The following RORA variants were observed in gnomAD, a reference collection of about 807,000 sequenced individuals.
RORA encodes RAR related orphan receptor A.
In RORA, 7 loss-of-function variants were observed where a neutral mutation model predicts 69.5. The ratio of observed to expected loss-of-function variants is 0.10; its 90% CI spans 0.06 to 0.19. The LOEUF (loss-of-function observed/expected upper bound fraction) is 0.19. Among genes scored for constraint, RORA ranks in the 10% least tolerant of loss-of-function variants. RORA has a pLI of 1.00. For missense variants in RORA, 457 were observed against 663.0 expected (o/e 0.69, Z 3.41); for synonymous variants, 261 against 240.8 (o/e 1.08, Z -0.78).
At chr15:60,812,930 T>C (rs2140369095) in intron 1 of RORA, among the ~76,000 whole-genome samples, 1 of 152,324 alleles carries the variant, frequency 6.6e-6, no homozygotes, top group Admixed American at 6.5e-5. Context: ...TGAACTATAG[T>C]GACACCACCA....
intron 1 of RORA, among the ~76,000 whole-genome samples, chr15:61,135,739 G>A (rs2079233416): frequency 6.6e-6 from 1 of 152,172 alleles, no homozygotes; most frequent in South Asian, 2.1e-4. Flanking sequence ...CTAAGAGGTA[G>A]GTAGATATGA....
At chr15:61,166,940 T>C (rs1319161513) in intron 1 of RORA, among the ~76,000 whole-genome samples, 1 of 152,188 alleles carries the variant, frequency 6.6e-6, no homozygotes, top group Non-Finnish European at 1.5e-5. Flanking sequence ...AACAATTATC[T>C]GAGCCCAGCT....
At chr15:60,958,328 T>C (rs1226969090) in intron 1 of RORA, among the ~76,000 whole-genome samples, 4 of 152,142 alleles carry the variant, frequency 2.6e-5, no homozygotes, top group Admixed American at 6.5e-5. Context: ...GGAGAGTCAT[T>C]AGGGATTTAG....
intron 1 of RORA, among the ~76,000 whole-genome samples, chr15:60,825,554 A>G (rs902892239): frequency 6.6e-6 from 1 of 152,172 alleles, no homozygotes; most frequent in South Asian, 2.1e-4. Flanking sequence ...CAGAGGCATT[A>G]TAGTGAAATC....
At chr15:60,690,411 C>T (rs2070806056) in intron 1 of RORA, among the ~76,000 whole-genome samples, 1 of 152,158 alleles carries the variant, frequency 6.6e-6, no homozygotes, top group Admixed American at 6.5e-5. Context: ...AGGCCATGAC[C>T]CAGCTCCAGC....
At chr15:60,525,924 C>T (rs917119255) in intron 3 of RORA, among the ~76,000 whole-genome samples, 1 of 151,650 alleles carries the variant, frequency 6.6e-6, no homozygotes, top group African/African-American at 2.4e-5. Context: ...AATTATCTGG[C>T]TAGAGGGGGA....
At position 60,488,868 on chromosome 15, in the gene RORA, G is replaced by A. The variant is rs1253672829; in HGVS notation, c.*8587C>T. On this transcript the variant is annotated 3_prime_UTR_variant, in exon 11 of 11. Coordinates refer to ENST00000335670, the MANE Select transcript of RORA (RefSeq NM_134261.3). ...CAAGACCTACACACAATTAGAATCA[G>A]CATTTCATGTGGTCTTTTTAAATGT... The A allele has an allele frequency of 1.3e-5, 2 of 152,208 alleles. No individual in the cohort carries two copies. Among genetic ancestry groups the A allele is most frequent in the Non-Finnish European group, 2.9e-5 (2 of 68,036 alleles). 9.4% of individuals were successfully genotyped at this position (152,208 alleles called of 1,614,324 possible). A position where few individuals can be genotyped will look rare whatever the true frequency, so the allele number is the denominator to read the frequency against.
At chr15:60,574,893 C>T (rs1206971939) in intron 2 of RORA, among the ~76,000 whole-genome samples, 2 of 152,104 alleles carry the variant, frequency 1.3e-5, no homozygotes, top group African/African-American at 2.4e-5. Flanking sequence ...TGCCAACTTT[C>T]TGAGAGTCTT....
chr15:60,498,906 A>G (rs1325637049), intron 10 of RORA, among the ~76,000 whole-genome samples: 1 of 152,080 alleles, frequency 6.6e-6, no homozygotes, highest in Non-Finnish European at 1.5e-5. Context: ...AACAAAACCA[A>G]AAACTTCTCA....
intron 10 of RORA, among the ~76,000 whole-genome samples, chr15:60,497,876 C>A (rs542544687): frequency 1.3e-5 from 2 of 151,474 alleles, no homozygotes; most frequent in Non-Finnish European, 2.9e-5. Context: ...CTGGGAAACA[C>A]GGTGAAACCC....
At position 61,027,650 on chromosome 15, in the gene RORA, G is replaced by C. The variant is rs114399302; in HGVS notation, c.166+201403C>G. 3.2e-3 allele frequency among the ~76,000 whole-genome samples: 482 copies of C among 152,198 alleles called. 5 individuals are homozygous for C. The highest frequency in any genetic ancestry group is 0.011 in the African/African-American group (455 of 41,516). ...TTACAACAAGTATGCTTTTACTCAGGCATCATCTCTAACTTTCTTCTTTAA... is the reference window on the plus strand; with the variant it reads ...TTACAACAAGTATGCTTTTACTCAGCCATCATCTCTAACTTTCTTCTTTAA... On this transcript the variant is annotated intron_variant, in intron 1 of 10. Transcript: ENST00000335670.
rs533090739 is a variant in RORA, at chr15:60,522,975, T to C, written c.283-8218A>G. ...ATCCTAGCTACCCAGGAGGCGGAGGTTGCAGTGAGCCGAGATCACACCACT... is the reference window on the plus strand; with the variant it reads ...ATCCTAGCTACCCAGGAGGCGGAGGCTGCAGTGAGCCGAGATCACACCACT... On this transcript the variant is annotated intron_variant, in intron 3 of 10. Transcript: ENST00000335670. 4.1e-5 allele frequency among the ~76,000 whole-genome samples: 6 copies of C among 146,202 alleles called. No homozygotes were observed. In the South Asian group the frequency reaches 8.8e-4, roughly 22 times the overall value.
intron 1 of RORA, among the ~76,000 whole-genome samples, chr15:60,901,847 A>G (rs1391211879): frequency 2.0e-5 from 3 of 152,210 alleles, no homozygotes; most frequent in African/African-American, 7.2e-5. Flanking sequence ...TCACTGAAAG[A>G]AAGTTATGCA....
At chr15:60,845,742 G>A (rs2073257131) in intron 1 of RORA, among the ~76,000 whole-genome samples, 1 of 152,166 alleles carries the variant, frequency 6.6e-6, no homozygotes, top group Non-Finnish European at 1.5e-5. Flanking sequence ...AGTATGTGAA[G>A]CCATTTTTTT....
In RORA at chr15:60,489,616, T is replaced by G. The variant is rs1362328244; in HGVS notation, c.*7839A>C. 6.6e-6 allele frequency: 1 copy of G among 152,190 alleles called. No individual in the cohort carries two copies. The highest frequency in any genetic ancestry group is 1.5e-5 in the Non-Finnish European group (1 of 68,030). The allele number at this position is 152,190 out of a possible 1,614,324, so 9.4% of individuals were successfully genotyped here. A position where few individuals can be genotyped will look rare whatever the true frequency, so the allele number is the denominator to read the frequency against. ...AACTTTGAAAATGAAGGTCCTTCAC[T>G]CAGTTCATGGAACTGGTTGAGGTCA... On this transcript the variant is annotated 3_prime_UTR_variant, in exon 11 of 11. Coordinates refer to ENST00000335670, the MANE Select transcript of RORA (RefSeq NM_134261.3).
intron 1 of RORA, among the ~76,000 whole-genome samples, chr15:61,106,083 A>T (rs2078945998): frequency 6.6e-6 from 1 of 152,226 alleles, no homozygotes; most frequent in African/African-American, 2.4e-5. Context: ...TAGCAAAGCA[A>T]TCTATGGTCA....
chr15:60,841,198 G>T, intron 1 of RORA: 1 of 445,584 alleles, frequency 2.2e-6, no homozygotes. Flanking sequence ...CCCATAGACT[G>T]CAAACACTTC....
intron 1 of RORA, among the ~76,000 whole-genome samples, chr15:61,024,824 T>C (rs778598690): frequency 6.2e-4 from 95 of 152,126 alleles, no homozygotes; most frequent in Non-Finnish European, 1.0e-3. Context: ...GCTCTTGAGC[T>C]CAAGCAATCT....
At chr15:60,503,075 C>G (rs1261909607) in intron 7 of RORA, among the ~76,000 whole-genome samples, 1 of 152,134 alleles carries the variant, frequency 6.6e-6, no homozygotes, top group African/African-American at 2.4e-5. Flanking sequence ...GAAGCTAAGC[C>G]CTGTTTAACT....
Sources: allele counts gnomAD v4.1 joint callset (sites outside exome capture counted in the v4.1 genomes callset), GRCh38; gene constraint gnomAD v4.1.1; transcripts MANE v1.5; gene names NCBI Gene and HGNC (gene_info 2026-07-23, HGNC 2026-07-21).